FRMPD4: variants seen among roughly 807,000 people sequenced by gnomAD.
FRMPD4 encodes the protein FERM and PDZ domain containing 4, also known as FERM and PDZ domain-containing protein 4.
FRMPD4 carries 22 observed loss-of-function variants against 94.1 expected under a neutral mutation model. The observed-to-expected ratio is 0.23, with a 90% CI of 0.17 to 0.33. The LOEUF (loss-of-function observed/expected upper bound fraction) is 0.33. Among genes scored for constraint, FRMPD4 ranks in the 10% least tolerant of loss-of-function variants. FRMPD4 has a pLI of 1.00. For synonymous variants in FRMPD4, 631 were observed against 548.6 expected, an observed-to-expected ratio of 1.15 and a Z score of -2.10; for missense variants, 1,111 against 1,339.9, an observed-to-expected ratio of 0.83 and a Z score of 2.67.
intron 1 of FRMPD4, among the ~76,000 whole-genome samples, chrX:12,181,873 C>T (rs1009579618): frequency 9.0e-6 from 1 of 111,722 alleles, no homozygotes; most frequent in African/African-American, 3.3e-5. Flanking sequence ...GGGTTGGTTT[C>T]ATTTTCCGGC....
intron 3 of FRMPD4, among the ~76,000 whole-genome samples, chrX:12,068,677 C>T (rs760544704): frequency 3.6e-4 from 40 of 112,063 alleles, no homozygotes; most frequent in Non-Finnish European, 7.1e-4. Flanking sequence ...TCTTAGAGCT[C>T]GGTTTTCTTT....
chrX:12,406,736 C>A (rs1357884764), intron 1 of FRMPD4, among the ~76,000 whole-genome samples: 1 of 112,198 alleles, frequency 8.9e-6, no homozygotes, highest in Non-Finnish European at 1.9e-5. Flanking sequence ...TTGGAATAAG[C>A]CCCTTTGTTG....
intron 1 of FRMPD4, among the ~76,000 whole-genome samples, chrX:12,296,466 T>C (rs781556422): frequency 4.5e-5 from 5 of 111,365 alleles, no homozygotes; most frequent in Non-Finnish European, 7.5e-5. Context: ...AACACAAGTG[T>C]GATATTGATC....
chrX:12,268,478 G>T (rs1338297781), intron 1 of FRMPD4, among the ~76,000 whole-genome samples: 1 of 112,029 alleles, frequency 8.9e-6, no homozygotes, highest in African/African-American at 3.2e-5. Flanking sequence ...ATTGTTCCAG[G>T]TCATCCCACC....
At chrX:12,341,068 G>T (rs1191703220) in intron 1 of FRMPD4, among the ~76,000 whole-genome samples, 1 of 111,885 alleles carries the variant, frequency 8.9e-6, no homozygotes, top group Non-Finnish European at 1.9e-5. Context: ...GTTTAGTTTA[G>T]TGAGTTTTTG....
At chrX:12,111,932 G>C (rs2055366157) in intron 3 of FRMPD4, among the ~76,000 whole-genome samples, 1 of 111,420 alleles carries the variant, frequency 9.0e-6, no homozygotes, top group South Asian at 3.8e-4. Context: ...TGCTGGAGAG[G>C]ATGTGGAGAA....
intron 3 of FRMPD4, among the ~76,000 whole-genome samples, chrX:11,966,152 T>C (rs1414408338): frequency 9.0e-6 from 1 of 111,663 alleles, no homozygotes; most frequent in East Asian, 2.8e-4. Context: ...TGGAAACATA[T>C]TTGCATCAAA....
chrX:11,906,124 T>TTTATTTAC, intron 3 of FRMPD4, among the ~76,000 whole-genome samples: 1 of 99,551 alleles, frequency 1.0e-5, no homozygotes, highest in African/African-American at 3.6e-5. Context: ...ATTTTATTTA[T>TTTATTTAC]TTATTTATTT....
intron 3 of FRMPD4, among the ~76,000 whole-genome samples, chrX:12,128,266 G>T (rs1168978856): frequency 8.8e-6 from 1 of 113,069 alleles, no homozygotes; most frequent in Non-Finnish European, 1.9e-5. Flanking sequence ...CTAGGTAGAA[G>T]TTCCCAAACC....
intron 2 of FRMPD4, among the ~76,000 whole-genome samples, chrX:12,546,694 A>AT (rs201377541): frequency 9.0e-6 from 1 of 111,301 alleles, no homozygotes; most frequent in Non-Finnish European, 1.9e-5. Flanking sequence ...ACAAAGGGAT[A>AT]TTTTTTCCCC....
chrX:12,621,511 C>G (rs2059288082), intron 4 of FRMPD4, among the ~76,000 whole-genome samples: 1 of 92,029 alleles, frequency 1.1e-5, no homozygotes, highest in African/African-American at 4.0e-5. Context: ...AATACATAAA[C>G]AAAATAAAAA....
At chrX:11,988,973 G>A (rs1601872413) in intron 3 of FRMPD4, among the ~76,000 whole-genome samples, 1 of 111,540 alleles carries the variant, frequency 9.0e-6, no homozygotes, top group African/African-American at 3.3e-5. Context: ...TGCTGAGAAT[G>A]TAGTCAAAAG....
chrX:12,174,513 CA>C (rs2056268688), intron 1 of FRMPD4, among the ~76,000 whole-genome samples: 1 of 111,848 alleles, frequency 8.9e-6, no homozygotes, highest in African/African-American at 3.3e-5. Flanking sequence ...GGTTTTTAAA[CA>C]TATTTTCAAA....
chrX:12,321,906 C>T (rs979858676), intron 1 of FRMPD4, among the ~76,000 whole-genome samples: 4 of 112,088 alleles, frequency 3.6e-5, no homozygotes, highest in Admixed American at 2.8e-4. Context: ...TTGACACCAT[C>T]TGTTACTCAA....
chrX:12,350,991 T>C (rs1033819074), intron 1 of FRMPD4, among the ~76,000 whole-genome samples: 2 of 111,348 alleles, frequency 1.8e-5, no homozygotes, highest in African/African-American at 3.3e-5. Context: ...CTGGCCAACA[T>C]GGTGAAACCC....
chrX:12,239,025 C>T (rs765820655), intron 1 of FRMPD4, among the ~76,000 whole-genome samples: 3 of 112,296 alleles, frequency 2.7e-5, no homozygotes, highest in Non-Finnish European at 5.6e-5. Context: ...CTTATTTGTA[C>T]ATGTCATCGT....
chrX:12,377,677 C>T (rs146720015), intron 1 of FRMPD4, among the ~76,000 whole-genome samples: 111 of 112,697 alleles, frequency 9.8e-4, no homozygotes, highest in Non-Finnish European at 1.6e-3. Context: ...ACAAAAGGTG[C>T]TTGTTTTAAC....
intron 1 of FRMPD4, among the ~76,000 whole-genome samples, chrX:12,320,825 A>G (rs1270783790): frequency 8.9e-6 from 1 of 111,824 alleles, no homozygotes; most frequent in Non-Finnish European, 1.9e-5. Context: ...AACTTAATCA[A>G]CTGTACCTGG....
chrX:12,577,588 C>A, intron 2 of FRMPD4, among the ~76,000 whole-genome samples: 1 of 110,952 alleles, frequency 9.0e-6, no homozygotes, highest in East Asian at 2.8e-4. Context: ...CATTTAAACC[C>A]AGTGCAACCT....
Sources: allele counts gnomAD v4.1 joint callset (sites outside exome capture counted in the v4.1 genomes callset), GRCh38; gene constraint gnomAD v4.1.1; transcripts MANE v1.5; gene names NCBI Gene and HGNC (gene_info 2026-07-23, HGNC 2026-07-21).